CD302: variants seen among roughly 807,000 people sequenced by gnomAD.
The protein encoded by CD302 is CD302 molecule.
In CD302, 23 loss-of-function variants were observed where a neutral mutation model predicts 26.5. That is an observed-to-expected ratio of 0.87 (90% CI 0.62 to 1.23). CD302 has a LOEUF of 1.23. Ranked by LOEUF, CD302 falls within the 50% of genes most tolerant of loss-of-function variation. The probability of loss-of-function intolerance (pLI) is 0.00; values close to 1 mark genes in which losing one functional copy is unlikely to be tolerated. For synonymous variants in CD302, 90 were observed against 99.4 expected, an observed-to-expected ratio of 0.91 and a Z score of 0.56; for missense variants, 290 against 275.5, an observed-to-expected ratio of 1.05 and a Z score of -0.37.
intron 1 of CD302, among the ~76,000 whole-genome samples, chr2:159,797,560 A>G (rs1003500455): frequency 6.6e-6 from 1 of 152,222 alleles, no homozygotes; most frequent in African/African-American, 2.4e-5. Flanking sequence ...GTGAAATCCA[A>G]GCTTTGCCTA....
chr2:159,787,020 A>AT (rs1436920887), intron 1 of CD302, among the ~76,000 whole-genome samples: 1 of 152,208 alleles, frequency 6.6e-6, no homozygotes, highest in Non-Finnish European at 1.5e-5. Context: ...GTTACTTTAA[A>AT]AATCATTTTA....
chr2:159,778,316 A>G (rs1708400408), intron 4 of CD302, among the ~76,000 whole-genome samples: 1 of 152,194 alleles, frequency 6.6e-6, no homozygotes, highest in Non-Finnish European at 1.5e-5. Flanking sequence ...GACCCTAACT[A>G]CCTTAGTATG....
intron 5 of CD302, among the ~76,000 whole-genome samples, chr2:159,775,429 G>A (rs373473104): frequency 1.3e-5 from 2 of 152,238 alleles, no homozygotes; most frequent in South Asian, 2.1e-4. Flanking sequence ...CAACTTATGT[G>A]TATCTTTATT....
chr2:159,773,528 T>C (rs1354602281), intron 5 of CD302, among the ~76,000 whole-genome samples: 1 of 152,188 alleles, frequency 6.6e-6, no homozygotes, highest in Non-Finnish European at 1.5e-5. Flanking sequence ...TCAATCATAA[T>C]AGCTTTAAAA....
At chr2:159,786,001 A>G (rs1363453807) in intron 1 of CD302, among the ~76,000 whole-genome samples, 2 of 152,224 alleles carry the variant, frequency 1.3e-5, no homozygotes, top group African/African-American at 4.8e-5. Flanking sequence ...GGATTGTTGT[A>G]AATATCAGGT....
chr2:159,788,481 C>T (rs543622735), intron 1 of CD302, among the ~76,000 whole-genome samples: 4 of 152,324 alleles, frequency 2.6e-5, no homozygotes, highest in South Asian at 4.1e-4. Context: ...GTACACTCTA[C>T]GATGTTTGCA....
In CD302 at chr2:159,772,067, G is replaced by C. The variant is rs1381291495; in HGVS notation, c.497-14C>G. 6.2e-7 allele frequency: 1 copy of C among 1,612,918 alleles called. No individual in the cohort carries two copies. The highest frequency in any genetic ancestry group is 1.7e-5 in the Admixed American group (1 of 59,944). On this transcript the variant is annotated splice_polypyrimidine_tract_variant and intron_variant, in intron 5 of 5. Coordinates refer to ENST00000259053, the MANE Select transcript of CD302 (RefSeq NM_014880.5). ...AAATGTGGTTATCTGAAAAGGAAAA[G>C]ACAAAAGAGTATTTGGGAAATTAGG...
At chr2:159,779,465 A>G (rs1708442710) in intron 4 of CD302, among the ~76,000 whole-genome samples, 1 of 152,094 alleles carries the variant, frequency 6.6e-6, no homozygotes, top group Non-Finnish European at 1.5e-5. Context: ...TCCTCTGAAC[A>G]AGAAATTTTT....
rs1371955341 is a variant in CD302 at position 159,770,115 on chromosome 2, T to G, written c.*1736A>C. 4.9e-5 allele frequency: 6 copies of G among 121,704 alleles called. 1 individual carries two copies. Among genetic ancestry groups the G allele is most frequent in the African/African-American group, 2.4e-4 (6 of 24,750 alleles). The allele number at this position is 121,704 out of a possible 1,614,324, so 7.5% of individuals were successfully genotyped here. ...TCCTTTAGAACTCTTTTAGTTCACA[T>G]AATACGCCATATTTTTTTTACTGTG... On this transcript the variant is annotated 3_prime_UTR_variant, in exon 6 of 6. Coordinates refer to ENST00000259053, the MANE Select transcript of CD302 (RefSeq NM_014880.5).
At chr2:159,782,201 G>A (rs1246038388) in intron 2 of CD302, among the ~76,000 whole-genome samples, 1 of 151,854 alleles carries the variant, frequency 6.6e-6, no homozygotes, top group Non-Finnish European at 1.5e-5. Flanking sequence ...CTGATCACAA[G>A]GTCAGGAGAC....
At chr2:159,798,088 G>A in intron 1 of CD302, 44 bp downstream of exon 1, 2 of 1,485,286 alleles carry the variant, frequency 1.3e-6, no homozygotes, top group Admixed American at 2.2e-5. Context: ...AGGGGGCGAA[G>A]GCGGTCGCGC....
chr2:159,784,048 C>T (rs1366863815), intron 1 of CD302, among the ~76,000 whole-genome samples: 1 of 152,196 alleles, frequency 6.6e-6, no homozygotes, highest in Non-Finnish European at 1.5e-5. Context: ...AGAACCATAA[C>T]TCTTCCTCTA....
intron 5 of CD302, among the ~76,000 whole-genome samples, chr2:159,775,089 A>C (rs574739378): frequency 6.6e-6 from 1 of 152,326 alleles, no homozygotes; most frequent in African/African-American, 2.4e-5. Context: ...ACTGGAATTC[A>C]TCCTTATCTG....
intron 1 of CD302, among the ~76,000 whole-genome samples, chr2:159,786,294 G>A (rs1429225465): frequency 6.6e-6 from 1 of 150,984 alleles, no homozygotes; most frequent in Non-Finnish European, 1.5e-5. Flanking sequence ...CTTTCCCTGT[G>A]GGTTCAACCT....
rs1322876677 is a variant in CD302, at chr2:159,768,924, A to C, written c.*2927T>G. The C allele has an allele frequency of 1.3e-5, 2 of 152,202 alleles. No individual in the cohort carries two copies. Among genetic ancestry groups the C allele is most frequent in the Admixed American group, 1.3e-4 (2 of 15,280 alleles). 9.4% of individuals were successfully genotyped at this position (152,202 alleles called of 1,614,324 possible). ...CAAAACATTCATTGGTATGCACATA[A>C]TTCTGTATAGTTTTGTTATTAAATG... On this transcript the variant is annotated 3_prime_UTR_variant, in exon 6 of 6. Coordinates refer to ENST00000259053, the MANE Select transcript of CD302 (RefSeq NM_014880.5).
At chr2:159,796,907 T>G (rs1682440721) in intron 1 of CD302, among the ~76,000 whole-genome samples, 1 of 152,200 alleles carries the variant, frequency 6.6e-6, no homozygotes, top group Non-Finnish European at 1.5e-5. Flanking sequence ...AGTTGAGATG[T>G]TACTGGCTCG....
rs770556320 is a variant in CD302, at chr2:159,780,059, T to G, written c.415A>C (p.Lys139Gln). 1 of 1,614,156 alleles carries G rather than the reference T, an allele frequency of 6.2e-7. No individual in the cohort carries two copies. The highest frequency in any genetic ancestry group is 8.5e-7 in the Non-Finnish European group (1 of 1,179,998). The stretch of plus-strand genomic sequence containing the variant: ...GAAGAAACTTCACAATTTCCTTTTT[T>G]CCATTCACCTGTCTTGATGTGCAGA... Reference protein sequence around the residue: ...AFLHIKTGEWKKGNCEVSSVE... With the variant: ...AFLHIKTGEWQKGNCEVSSVE... Residue 139 changes from lysine (K) to glutamine (Q), a missense_variant, in exon 4 of 6, where the codon AAA (lysine) becomes CAA (glutamine). Coordinates refer to ENST00000259053, the MANE Select transcript of CD302 (RefSeq NM_014880.5).
chr2:159,778,113 C>A, intron 4 of CD302, 149 bp from the exon 5 acceptor site: 1 of 317,900 alleles, frequency 3.1e-6, no homozygotes, highest in Non-Finnish European at 5.7e-6. Flanking sequence ...ATTTCTTTGC[C>A]TCATTAGTTG....
Position 159,770,495 on chromosome 2 carries a change from G to A in CD302, c.*1356C>T, listed in dbSNP as rs182059086. On this transcript the variant is annotated 3_prime_UTR_variant, in exon 6 of 6. Transcript: ENST00000259053. The stretch of plus-strand genomic sequence containing the variant: ...CTGGAACTTTGTTGCCATTAGTCAA[G>A]CTAGTGAGATAGTATATCTATCTAT... The A allele has an allele frequency of 4.3e-4, 66 of 152,280 alleles. No homozygotes were observed. Among genetic ancestry groups the A allele is most frequent in the African/African-American group, 1.4e-3 (60 of 41,554 alleles). 9.4% of individuals were successfully genotyped at this position (152,280 alleles called of 1,614,324 possible).
Sources: gnomAD v4.1 joint callset for allele counts (sites outside exome capture counted in the v4.1 genomes callset) on GRCh38, gnomAD v4.1.1 for gene constraint, MANE v1.5 for transcripts, NCBI Gene and HGNC (gene_info 2026-07-23, HGNC 2026-07-21) for gene names.